EXPH5: variants seen among roughly 807,000 people sequenced by gnomAD.
The protein encoded by EXPH5 is exophilin-5.
EXPH5 carries 42 observed loss-of-function variants against 41.1 expected under a neutral mutation model. That is an observed-to-expected ratio of 1.02 (90% CI 0.80 to 1.32). EXPH5 has a LOEUF of 1.32. Among genes scored for constraint, EXPH5 ranks in the 40% most tolerant of loss-of-function variants. The probability of loss-of-function intolerance (pLI) is 0.00; values close to 1 mark genes in which losing one functional copy is unlikely to be tolerated. For missense variants in EXPH5, 2,298 were observed against 2,314.5 expected (o/e 0.99, Z 0.15); for synonymous variants, 798 against 833.5 (o/e 0.96, Z 0.73).
rs1363673526 is a variant in EXPH5 at position 108,593,684 on chromosome 11, A to T, written c.-148T>A. On this transcript the variant is annotated 5_prime_UTR_variant, in exon 1 of 6. It removes the in-frame stop codon of an upstream open reading frame in the 5' UTR. Transcript: ENST00000265843. ...TTTGAAAGTCTAAAACCACAAACCTAGGGAACGCCCACACCTGAAGGGCTC... is the reference window on the plus strand; with the variant it reads ...TTTGAAAGTCTAAAACCACAAACCTTGGGAACGCCCACACCTGAAGGGCTC... 2 of 1,553,912 alleles carry T rather than the reference A, an allele frequency of 1.3e-6. No homozygotes were observed. Among genetic ancestry groups the T allele is most frequent in the South Asian group, 2.3e-5 (2 of 86,564 alleles).
At chr11:108,577,584 C>T (rs376673506) in intron 1 of EXPH5, among the ~76,000 whole-genome samples, 10 of 151,940 alleles carry the variant, frequency 6.6e-5, no homozygotes, top group Non-Finnish European at 1.0e-4. Context: ...TCACCACGCC[C>T]GGCTAATTTT....
rs2093643233 is a variant in EXPH5, at chr11:108,506,193, CTAT to C, written c.*3341_*3343del. On this transcript the variant is annotated 3_prime_UTR_variant, in exon 6 of 6. Coordinates refer to ENST00000265843, the MANE Select transcript of EXPH5 (RefSeq NM_015065.3). ...AAACAAGTTATGAATATAAAAATGACTATTATAAGTTACCATAGCTATACCAAA... is the reference window on the plus strand; with the variant it reads ...AAACAAGTTATGAATATAAAAATGACTATAAGTTACCATAGCTATACCAAA... 6.6e-6 allele frequency: 1 copy of C among 151,946 alleles called. No individual in the cohort carries two copies. Among genetic ancestry groups the C allele is most frequent in the South Asian group, 2.1e-4 (1 of 4,824 alleles). 9.4% of individuals were successfully genotyped at this position (151,946 alleles called of 1,614,324 possible). A position where few individuals can be genotyped will look rare whatever the true frequency, so the allele number is the denominator to read the frequency against.
At chr11:108,551,574 T>G (rs2093965221) in intron 1 of EXPH5, among the ~76,000 whole-genome samples, 2 of 152,008 alleles carry the variant, frequency 1.3e-5, no homozygotes, top group African/African-American at 4.8e-5. Flanking sequence ...ATACACATTG[T>G]TTTTTTTCTT....
chr11:108,567,659 C>G (rs2094040421), intron 1 of EXPH5, among the ~76,000 whole-genome samples: 1 of 152,110 alleles, frequency 6.6e-6, no homozygotes, highest in Non-Finnish European at 1.5e-5. Context: ...AAATATTTGT[C>G]AAGTATTTCT....
chr11:108,560,096 TC>T (rs2094005371), intron 1 of EXPH5, among the ~76,000 whole-genome samples: 1 of 152,164 alleles, frequency 6.6e-6, no homozygotes, highest in Non-Finnish European at 1.5e-5. Context: ...AGCTATTCAA[TC>T]TTTGTGTTAG....
intron 3 of EXPH5, among the ~76,000 whole-genome samples, chr11:108,536,579 T>C (rs1242398063): frequency 6.6e-6 from 1 of 152,226 alleles, no homozygotes; most frequent in Admixed American, 6.5e-5. Flanking sequence ...TTTTTGGATT[T>C]TTACAAATTC....
rs776610593 is a variant in EXPH5, at chr11:108,518,274, G to T, written c.592C>A (p.Pro198Thr). ...VMREESGMPP[P>T]WDASLLENEF... is the part of the protein sequence containing the mutation. Reference sequence around the variant, plus strand: ...TTCTCCAGCAGTGAAGCATCCCACGGTGGAGGCATGCCACTCTCCTCCCTC... The same window carrying T: ...TTCTCCAGCAGTGAAGCATCCCACGTTGGAGGCATGCCACTCTCCTCCCTC... Residue 198 changes from proline (P) to threonine (T), a missense_variant, in exon 5 of 6, where the codon CCG becomes ACG. Physicochemically the swap from Pro to Thr is conservative, Grantham distance 38. Coordinates refer to ENST00000265843, the MANE Select transcript of EXPH5 (RefSeq NM_015065.3). The T allele has an allele frequency of 2.5e-6, 4 of 1,613,732 alleles. No individual in the cohort carries two copies. In the East Asian group the frequency reaches 6.7e-5, roughly 27 times the overall value.
chr11:108,588,586 A>C (rs983826438), intron 1 of EXPH5, among the ~76,000 whole-genome samples: 2 of 152,230 alleles, frequency 1.3e-5, no homozygotes, highest in South Asian at 2.1e-4. Flanking sequence ...CCCTTAACTC[A>C]TCAGGTTGTT....
the EXPH5 span, among the ~76,000 whole-genome samples, chr11:108,605,906 A>T: frequency 1.3e-5 from 2 of 152,220 alleles, no homozygotes; most frequent in African/African-American, 4.8e-5. Flanking sequence ...CTCCATCCTC[A>T]GCCCTTTTTA....
chr11:108,526,051 A>G (rs138258728), intron 4 of EXPH5, among the ~76,000 whole-genome samples: 75 of 151,440 alleles, frequency 5.0e-4, no homozygotes, highest in Non-Finnish European at 9.0e-4. Context: ...ATTAGCTGGT[A>G]CTACAAGTGT....
intron 1 of EXPH5, among the ~76,000 whole-genome samples, chr11:108,562,518 A>G (rs1267575560): frequency 6.6e-6 from 1 of 152,124 alleles, no homozygotes; most frequent in Non-Finnish European, 1.5e-5. Context: ...CTGAGGTGGA[A>G]GAATTGCTTG....
At position 108,512,563 on chromosome 11, in the gene EXPH5, A is replaced by C; in HGVS notation, c.2944T>G (p.Cys982Gly). ...GKGKIRHHIS[C>G]IEKLSKTESI... is the part of the protein sequence containing the mutation. Reference sequence around the variant, plus strand: ...TCTGTTTTGCTTAACTTTTCAATACAGGATATATGATGCCTTATTTTTCCT... The same window carrying C: ...TCTGTTTTGCTTAACTTTTCAATACCGGATATATGATGCCTTATTTTTCCT... Residue 982 changes from cysteine to glycine, a missense_variant, in exon 6 of 6, where the codon TGT becomes GGT. Physicochemically the swap from Cys to Gly is radical, Grantham distance 159. Transcript: ENST00000265843. The C allele has an allele frequency of 6.2e-7, 1 of 1,611,752 alleles. No individual in the cohort carries two copies. The highest frequency in any genetic ancestry group is 8.5e-7 in the Non-Finnish European group (1 of 1,179,516).
At chr11:108,541,461 A>G (rs544965361) in intron 2 of EXPH5, among the ~76,000 whole-genome samples, 191 bp downstream of exon 2, 3 of 152,230 alleles carry the variant, frequency 2.0e-5, no homozygotes, top group Non-Finnish European at 1.5e-5. Flanking sequence ...AAAATCCAAG[A>G]CATTATTACA....
At chr11:108,540,116 T>C (rs1259731756) in intron 2 of EXPH5, among the ~76,000 whole-genome samples, 1 of 151,722 alleles carries the variant, frequency 6.6e-6, no homozygotes, top group Admixed American at 6.6e-5. Context: ...AGATCAAGAG[T>C]TCGAGACCAG....
chr11:108,604,409 G>T, the EXPH5 span, among the ~76,000 whole-genome samples: 3 of 151,858 alleles, frequency 2.0e-5, no homozygotes, highest in Non-Finnish European at 4.4e-5. Flanking sequence ...AGAAAGGCGG[G>T]GGGTGGGAGA....
Position 108,509,908 on chromosome 11 carries a change from G to A in EXPH5, c.5599C>T (p.Arg1867Cys), listed in dbSNP as rs747342461. ...CTGGGACCTGTTTTTGTCCCGCTGC[G>A]ATAAGCCCAACTTTCATTTCCATCA... ...SCDGNESWAY[R>C]SGTKTGPRSA... The change falls in exon 6 of 6, where the codon CGC becomes TGC. Residue 1867 changes from arginine (R) to cysteine (C), a missense_variant. Arg to Cys is a radical substitution (Grantham distance 180, BLOSUM62 -3). Transcript: ENST00000265843. 1.2e-5 allele frequency: 20 copies of A among 1,608,446 alleles called. No individual in the cohort carries two copies. The highest frequency in any genetic ancestry group is 3.3e-5 in the South Asian group (3 of 89,834).
chr11:108,568,642 T>C (rs1212817940), intron 1 of EXPH5, among the ~76,000 whole-genome samples: 1 of 152,120 alleles, frequency 6.6e-6, no homozygotes. Flanking sequence ...TATTCAGATA[T>C]ATTACCTTAC....
intron 1 of EXPH5, among the ~76,000 whole-genome samples, chr11:108,584,828 G>T (rs2094108784): frequency 6.6e-6 from 1 of 152,182 alleles, no homozygotes; most frequent in Non-Finnish European, 1.5e-5. Context: ...GAAAATGTTT[G>T]TAATCTGGGC....
At chr11:108,552,586 C>A (rs541334751) in intron 1 of EXPH5, among the ~76,000 whole-genome samples, 83 of 152,296 alleles carry the variant, frequency 5.4e-4, no homozygotes, top group African/African-American at 2.0e-3. Flanking sequence ...GTGATAGAGA[C>A]TGCCTACTCT....
Sources: allele counts gnomAD v4.1 joint callset (sites outside exome capture counted in the v4.1 genomes callset), GRCh38; gene constraint gnomAD v4.1.1; transcripts MANE v1.5; gene names NCBI Gene and HGNC (gene_info 2026-07-23, HGNC 2026-07-21).